The following OSBPL1A variants were observed in gnomAD, a reference collection of about 807,000 sequenced individuals.
OSBPL1A encodes the protein oxysterol binding protein like 1A, also known as oxysterol-binding protein-related protein 1.
Under a neutral mutation model 137.1 loss-of-function variants are expected in OSBPL1A, and 80 were observed. That is an observed-to-expected ratio of 0.58 (90% CI 0.49 to 0.70). OSBPL1A has a LOEUF of 0.70. Ranked by LOEUF, OSBPL1A falls within the 30% of genes least tolerant of loss-of-function variation. OSBPL1A has a pLI of 0.00. For missense variants in OSBPL1A, 970 were observed against 1,129.4 expected (o/e 0.86, Z 2.02); for synonymous variants, 365 against 389.7 (o/e 0.94, Z 0.75).
At chr18:24,287,611 A>G (rs571101520) in intron 14 of OSBPL1A, among the ~76,000 whole-genome samples, 18 of 152,012 alleles carry the variant, frequency 1.2e-4, no homozygotes, top group South Asian at 4.2e-4. Context: ...TGTCTCTACT[A>G]AAAATACAAA....
chr18:24,348,804 A>T (rs773899257), intron 4 of OSBPL1A, among the ~76,000 whole-genome samples: 1 of 152,012 alleles, frequency 6.6e-6, no homozygotes, highest in Non-Finnish European at 1.5e-5. Flanking sequence ...GCCTTCAAAA[A>T]GGTAAAAGAT....
chr18:24,387,636 A>G (rs1907037482), intron 1 of OSBPL1A, among the ~76,000 whole-genome samples: 2 of 152,016 alleles, frequency 1.3e-5, no homozygotes, highest in African/African-American at 4.8e-5. Flanking sequence ...GCTGATCTCA[A>G]ACTCCTGGGC....
At chr18:24,171,041 TG>T (rs1431197839) in intron 23 of OSBPL1A, among the ~76,000 whole-genome samples, 4 of 150,982 alleles carry the variant, frequency 2.6e-5, no homozygotes, top group African/African-American at 7.4e-5. Flanking sequence ...CAATTTTTTT[TG>T]TTTTTTTTTT....
At chr18:24,329,547 C>CAAAAAAAAA (rs369613715) in intron 7 of OSBPL1A, among the ~76,000 whole-genome samples, 3 of 63,470 alleles carry the variant, frequency 4.7e-5, no homozygotes, top group Non-Finnish European at 6.5e-5. Flanking sequence ...GAAACTCTGT[C>CAAAAAAAAA]AAAAAAAAAA....
chr18:24,335,211 T>C (rs1282224592), intron 5 of OSBPL1A, among the ~76,000 whole-genome samples: 1 of 152,226 alleles, frequency 6.6e-6, no homozygotes. Context: ...AAAAATACTT[T>C]GGCACTTACT....
intron 1 of OSBPL1A, among the ~76,000 whole-genome samples, chr18:24,384,629 C>T (rs890438653): frequency 6.6e-6 from 1 of 151,356 alleles, no homozygotes; most frequent in African/African-American, 2.4e-5. Context: ...CAGCACTTTG[C>T]GAGGCCAAGA....
chr18:24,265,480 GGAAAAAGAAAAA>G lies in OSBPL1A; in HGVS notation c.1281+15350_1281+15361del, dbSNP rs111790234. Reference sequence around the variant, plus strand: ...GGGCGACAGAGTGATACTCCATCTTGGAAAAAGAAAAAGAAAAAGAAAAAGAAATTTACTAAG... The same window carrying G: ...GGGCGACAGAGTGATACTCCATCTTGGAAAAAGAAAAAGAAATTTACTAAG... On this transcript the variant is annotated intron_variant, in intron 15 of 27. Transcript: ENST00000319481. Among the ~76,000 whole-genome samples, 345 of 151,476 alleles carry G rather than the reference GGAAAAAGAAAAA, an allele frequency of 2.3e-3. 1 individual carries two copies. The highest frequency in any genetic ancestry group is 6.9e-3 in the African/African-American group (284 of 41,264).
intron 15 of OSBPL1A, among the ~76,000 whole-genome samples, chr18:24,263,760 C>T (rs934227057): frequency 7.9e-5 from 12 of 152,102 alleles, no homozygotes; most frequent in Admixed American, 3.9e-4. Context: ...CTCAGCCTCC[C>T]GAGTAGCTGG....
intron 4 of OSBPL1A, among the ~76,000 whole-genome samples, chr18:24,365,735 G>C (rs2091694896): frequency 1.3e-5 from 2 of 152,100 alleles, no homozygotes; most frequent in Admixed American, 6.6e-5. Flanking sequence ...TCTAAAACTG[G>C]ATTTTGGTGA....
intron 15 of OSBPL1A, among the ~76,000 whole-genome samples, chr18:24,239,807 A>G (rs540184056): frequency 1.3e-5 from 2 of 152,308 alleles, no homozygotes; most frequent in African/African-American, 4.8e-5. Flanking sequence ...AACTACATCA[A>G]AGCATAAAAT....
At chr18:24,166,812 G>A (rs2086155112) in intron 25 of OSBPL1A, 110 bp from the exon 26 acceptor site, 1 of 1,101,520 alleles carries the variant, frequency 9.1e-7, no homozygotes, top group Non-Finnish European at 1.3e-6. Context: ...CCCTTTCATG[G>A]TAACAATGGT....
intron 1 of OSBPL1A, among the ~76,000 whole-genome samples, chr18:24,397,420 A>T (rs1428568679): frequency 1.3e-5 from 2 of 152,238 alleles, no homozygotes; most frequent in Non-Finnish European, 2.9e-5. Flanking sequence ...ACATCTTGTT[A>T]CTTTTAACGC....
chr18:24,199,456 A>T (rs2087146384), intron 17 of OSBPL1A, among the ~76,000 whole-genome samples: 1 of 151,758 alleles, frequency 6.6e-6, no homozygotes, highest in South Asian at 2.1e-4. Context: ...TTGACGTGAC[A>T]TAAGGTACAC....
intron 15 of OSBPL1A, among the ~76,000 whole-genome samples, chr18:24,272,786 T>C (rs1211221259): frequency 6.6e-6 from 1 of 152,182 alleles, no homozygotes; most frequent in Non-Finnish European, 1.5e-5. Flanking sequence ...GTAGCTGTAA[T>C]TGCACTACAG....
At chr18:24,228,484 T>C (rs964228948) in intron 16 of OSBPL1A, among the ~76,000 whole-genome samples, 1 of 152,184 alleles carries the variant, frequency 6.6e-6, no homozygotes, top group Non-Finnish European at 1.5e-5. Flanking sequence ...GCTGCTGAAT[T>C]CATTCCTCCC....
intron 7 of OSBPL1A, among the ~76,000 whole-genome samples, chr18:24,322,908 C>G (rs1209309238): frequency 6.6e-6 from 1 of 152,086 alleles, no homozygotes; most frequent in Middle Eastern, 3.2e-3. Flanking sequence ...CTCTTACCAA[C>G]CACAACAAAA....
At chr18:24,329,688 C>T (rs1472944194) in intron 7 of OSBPL1A, among the ~76,000 whole-genome samples, 1 of 151,518 alleles carries the variant, frequency 6.6e-6, no homozygotes, top group Non-Finnish European at 1.5e-5. Context: ...TAAAATTAAA[C>T]ATAGGTACAC....
At chr18:24,298,465 G>A (rs2090334754) in intron 14 of OSBPL1A, among the ~76,000 whole-genome samples, 1 of 152,146 alleles carries the variant, frequency 6.6e-6, no homozygotes, top group Admixed American at 6.5e-5. Context: ...TCCTGCCTCA[G>A]CCCCCCAGTA....
At chr18:24,296,154 T>C (rs1249922989) in intron 14 of OSBPL1A, among the ~76,000 whole-genome samples, 1 of 152,176 alleles carries the variant, frequency 6.6e-6, no homozygotes, top group Non-Finnish European at 1.5e-5. Flanking sequence ...TATGTTTCCA[T>C]TTATTTGTGT....
Sources: allele counts gnomAD v4.1 joint callset (sites outside exome capture counted in the v4.1 genomes callset), GRCh38; gene constraint gnomAD v4.1.1; transcripts MANE v1.5; gene names NCBI Gene and HGNC (gene_info 2026-07-23, HGNC 2026-07-21).